The following DERL2 variants were observed in gnomAD, a reference collection of about 807,000 sequenced individuals.
DERL2 encodes the protein derlin 2.
In DERL2, 13 loss-of-function variants were observed where a neutral mutation model predicts 32.0. The ratio of observed to expected loss-of-function variants is 0.41; its 90% CI spans 0.26 to 0.65. The LOEUF is 0.65. DERL2 is among the 30% of genes least tolerant of loss of function. DERL2 has a pLI of 0.35. For synonymous variants in DERL2, 111 were observed against 104.7 expected (o/e 1.06, Z -0.37); for missense variants, 208 against 296.3 (o/e 0.70, Z 2.19).
chr17:5,481,420 A>T lies in DERL2; in HGVS notation c.234-31T>A, dbSNP rs753188498. 3 of 1,482,690 alleles carry T rather than the reference A, an allele frequency of 2.0e-6. No homozygotes were observed. Among genetic ancestry groups the T allele is most frequent in the Admixed American group, 3.4e-5 (2 of 59,032 alleles). The allele number at this position is 1,482,690 out of a possible 1,614,324, so 91.8% of individuals were successfully genotyped here. On this transcript the variant is annotated intron_variant, in intron 3 of 6. Coordinates refer to ENST00000158771, the MANE Select transcript of DERL2 (RefSeq NM_016041.5). The surrounding 1 kb of genome is among the most constrained non-coding windows in gnomAD (Gnocchi z 4.4). ...GTTCCAAGTTAAGAAAATATTAAGC[A>T]CACGAATATGAACAAAGTAAAAATT...
upstream of DERL2, chr17:5,486,188 C>CCCACCCA (rs765862234): frequency 1.8e-5 from 20 of 1,131,804 alleles, no homozygotes; most frequent in East Asian, 5.6e-5. Flanking sequence ...TGCCCCACCC[C>CCCACCCA]CCACCCACCC....
At chr17:5,477,845 T>C (rs1905491954) in intron 6 of DERL2, 1 of 152,180 alleles carries the variant, frequency 6.6e-6, no homozygotes, top group South Asian at 2.1e-4. Flanking sequence ...CATACATACA[T>C]ACATATAATT....
rs1357959741 is a variant in DERL2 at position 5,474,324 on chromosome 17, T to C, written c.*360A>G. On this transcript the variant is annotated 3_prime_UTR_variant, in exon 7 of 7. Coordinates refer to ENST00000158771, the MANE Select transcript of DERL2 (RefSeq NM_016041.5). This position sits in a 1 kb window ranked among gnomAD's most constrained non-coding sequence, Gnocchi z 4.3. ...AGAAAAATGGAATTCCGTTTTATTT[T>C]GTCCTCTCTGAAACTTCCATTTACA... The C allele has an allele frequency of 6.0e-6, 1 of 166,756 alleles. No homozygotes were observed. Among genetic ancestry groups the C allele is most frequent in the East Asian group, 1.7e-4 (1 of 6,002 alleles). 10.3% of individuals were successfully genotyped at this position (166,756 alleles called of 1,614,324 possible). A position where few individuals can be genotyped will look rare whatever the true frequency, so the allele number is the denominator to read the frequency against.
intron 5 of DERL2, 80 bp downstream of exon 5, chr17:5,480,307 C>G (rs1905690178): frequency 2.1e-6 from 3 of 1,435,760 alleles, no homozygotes; most frequent in East Asian, 4.7e-5. Context: ...ACGTGAAGGC[C>G]AAACAGAATA....
chr17:5,475,281 C>T (rs1405691064), intron 6 of DERL2, among the ~76,000 whole-genome samples: 2 of 145,304 alleles, frequency 1.4e-5, no homozygotes, highest in Non-Finnish European at 3.0e-5. Context: ...TTTTTTGAGA[C>T]GGGAGTCTCA....
chr17:5,486,223 C>A, upstream of DERL2: 2 of 1,261,472 alleles, frequency 1.6e-6, no homozygotes, highest in African/African-American at 3.2e-5. Flanking sequence ...CCAGCAGGCC[C>A]CGGCGGCGGG....
Position 5,480,163 on chromosome 17 carries a change from A to G in DERL2, c.524-19T>C. On this transcript the variant is annotated intron_variant, in intron 5 of 6. Coordinates refer to ENST00000158771, the MANE Select transcript of DERL2 (RefSeq NM_016041.5). ...GCAATACCTAGAGTCAAGCAGAAAT[A>G]AAGGATGAGGGAGAGAATTAAAATT... 1 of 1,534,036 alleles carries G rather than the reference A, an allele frequency of 6.5e-7. No homozygotes were observed. The highest frequency in any genetic ancestry group is 1.4e-5 in the African/African-American group (1 of 73,022).
chr17:5,472,790 AAAAAC>A lies in DERL2; in HGVS notation c.*1889_*1893del, dbSNP rs926315987. The A allele has an allele frequency of 2.0e-5, 3 of 152,134 alleles. No individual in the cohort carries two copies. Among genetic ancestry groups the A allele is most frequent in the Non-Finnish European group, 4.4e-5 (3 of 68,014 alleles). 9.4% of individuals were successfully genotyped at this position (152,134 alleles called of 1,614,324 possible). ...AAAAACAATTTAAAAAAAAAAAACA[AAAAAC>A]AAAATTCTAACAAACGTCACTGATA... On this transcript the variant is annotated 3_prime_UTR_variant, in exon 7 of 7. Coordinates refer to ENST00000158771, the MANE Select transcript of DERL2 (RefSeq NM_016041.5).
intron 6 of DERL2, among the ~76,000 whole-genome samples, chr17:5,478,200 CA>C (rs554442716): frequency 2.7e-5 from 4 of 149,994 alleles, no homozygotes; most frequent in Admixed American, 6.6e-5. Flanking sequence ...CTTGTCTCCA[CA>C]AAAAAAAACA....
At chr17:5,486,391 T>A, upstream of DERL2, 2 of 439,068 alleles carry the variant, frequency 4.6e-6, no homozygotes, top group Non-Finnish European at 4.1e-6. Flanking sequence ...CACCCTCTCT[T>A]CTCCACCAGC....
intron 1 of DERL2, among the ~76,000 whole-genome samples, chr17:5,485,573 A>G (rs1906157668): frequency 2.0e-5 from 3 of 152,190 alleles, no homozygotes; most frequent in South Asian, 4.1e-4. Context: ...TGAAACAACA[A>G]AACTCACTTG....
chr17:5,472,352 T>C lies in DERL2; in HGVS notation c.*2332A>G, dbSNP rs1043084934. On this transcript the variant is annotated 3_prime_UTR_variant, in exon 7 of 7. Coordinates refer to ENST00000158771, the MANE Select transcript of DERL2 (RefSeq NM_016041.5). ...GGAAGAACTAAGATTGAGAGGTAAATTGGGGAGAAAGTAAGGACTTTTCCT... is the reference window on the plus strand; with the variant it reads ...GGAAGAACTAAGATTGAGAGGTAAACTGGGGAGAAAGTAAGGACTTTTCCT... The C allele has an allele frequency of 2.6e-5, 4 of 152,182 alleles. No individual in the cohort carries two copies. The highest frequency in any genetic ancestry group is 6.5e-5 in the Admixed American group (1 of 15,284). The allele number at this position is 152,182 out of a possible 1,614,324, so 9.4% of individuals were successfully genotyped here. A position where few individuals can be genotyped will look rare whatever the true frequency, so the allele number is the denominator to read the frequency against.
chr17:5,486,324 C>G, upstream of DERL2: 1 of 494,740 alleles, frequency 2.0e-6, no homozygotes, highest in South Asian at 2.9e-5. Flanking sequence ...CTAAGGAACG[C>G]ACATCCGCCA....
Position 5,482,846 on chromosome 17 carries a change from G to A in DERL2, c.196C>T (p.Pro66Ser). The change falls in exon 3 of 7, where the codon CCA (proline) becomes TCA (serine). Residue 66 changes from proline (P) to serine (S), a missense_variant. Physicochemically the swap from Pro to Ser is moderately conservative, Grantham distance 74. This residue lies in a region of DERL2 where 124 missense variants were observed against 215.3 expected (regional missense o/e 0.58). Transcript: ENST00000158771. ...TTAAATAAAAAATTGAATCCAACTG[G>A]CCCAAAAAATAAGAAGTTGGTGATT... ...RLITNFLFFG[P>S]VGFNFLFNMI... 1 of 1,517,432 alleles carries A rather than the reference G, an allele frequency of 6.6e-7. No individual in the cohort carries two copies. The highest frequency in any genetic ancestry group is 1.2e-5 in the South Asian group (1 of 83,068). 94.0% of individuals were successfully genotyped at this position (1,517,432 alleles called of 1,614,324 possible).
chr17:5,484,144 G>C (rs1345003041), intron 2 of DERL2, among the ~76,000 whole-genome samples: 1 of 152,238 alleles, frequency 6.6e-6, no homozygotes, highest in Non-Finnish European at 1.5e-5. Flanking sequence ...ACACATTTGA[G>C]ACAGACAGAA....
At position 5,474,931 on chromosome 17, in the gene DERL2, A is replaced by T. The variant is rs1905291848; in HGVS notation, c.615-142T>A. ...GCCAATTAAACAGTTAACATATTGT[A>T]AGAGCATCTATAATTATTAACATTT... is the stretch of plus-strand genomic sequence containing the variant. On this transcript the variant is annotated intron_variant, in intron 6 of 6. Transcript: ENST00000158771. The surrounding 1 kb of genome is among the most constrained non-coding windows in gnomAD (Gnocchi z 4.3). 5 of 484,104 alleles carry T rather than the reference A, an allele frequency of 1.0e-5. No individual in the cohort carries two copies. In the South Asian group the frequency reaches 1.8e-4, roughly 17 times the overall value. 30.0% of individuals were successfully genotyped at this position (484,104 alleles called of 1,614,324 possible).
chr17:5,486,292 A>C, upstream of DERL2: 1 of 662,620 alleles, frequency 1.5e-6, no homozygotes, highest in Non-Finnish European at 2.5e-6. Flanking sequence ...ATCAACGCCA[A>C]GCAACCGCAA....
chr17:5,484,419 G>A (rs1489430464), intron 2 of DERL2, among the ~76,000 whole-genome samples: 1 of 152,228 alleles, frequency 6.6e-6, no homozygotes, highest in African/African-American at 2.4e-5. Context: ...GCTAATTTTT[G>A]TATTTTTAGT....
chr17:5,480,166 G>A (rs367755914), intron 5 of DERL2, 22 bp from the exon 6 acceptor site: 1 of 1,511,346 alleles, frequency 6.6e-7, no homozygotes, highest in African/African-American at 1.4e-5. Context: ...CAGAAATAAA[G>A]GATGAGGGAG....
Sources: gnomAD v4.1 joint callset for allele counts (sites outside exome capture counted in the v4.1 genomes callset) on GRCh38, gnomAD v4.1.1 for gene constraint, gnomAD v4.1.1 regional missense constraint, Gnocchi (gnomAD v3.1) non-coding constraint, MANE v1.5 for transcripts, NCBI Gene and HGNC (gene_info 2026-07-23, HGNC 2026-07-21) for gene names.